The following ENOX2 variants were observed in gnomAD, a reference collection of about 807,000 sequenced individuals.
ENOX2 encodes the protein APK1 antigen.
In ENOX2, 36 loss-of-function variants were observed where a neutral mutation model predicts 45.0. The observed-to-expected ratio is 0.80, with a 90% confidence interval of 0.61 to 1.06. The LOEUF is 1.06. Among genes scored for constraint, ENOX2 ranks in the 50% least tolerant of loss-of-function variants. The pLI, the probability that ENOX2 is intolerant of heterozygous loss-of-function variation, is 0.00. For synonymous variants in ENOX2, 174 were observed against 152.3 expected (o/e 1.14, Z -1.05); for missense variants, 423 against 462.5 (o/e 0.91, Z 0.78).
chrX:130,849,506 CT>C (rs1261102958), intron 2 of ENOX2, among the ~76,000 whole-genome samples: 4 of 112,301 alleles, frequency 3.6e-5, no homozygotes, highest in African/African-American at 1.3e-4. Flanking sequence ...GTGACAGTCA[CT>C]TTGCTAAGTG....
chrX:130,828,493 T>A (rs1007671517), intron 2 of ENOX2, among the ~76,000 whole-genome samples: 2 of 112,267 alleles, frequency 1.8e-5, no homozygotes, highest in African/African-American at 6.5e-5. Flanking sequence ...CTAATTTATG[T>A]TTGTAATTAA....
chrX:130,661,369 G>C (rs1273289802), intron 9 of ENOX2, among the ~76,000 whole-genome samples: 1 of 109,297 alleles, frequency 9.1e-6, no homozygotes. Context: ...TTGTATTTTT[G>C]GTAGAGATGG....
At chrX:130,878,333 T>C (rs917375302) in intron 2 of ENOX2, among the ~76,000 whole-genome samples, 2 of 111,770 alleles carry the variant, frequency 1.8e-5, no homozygotes, top group African/African-American at 3.2e-5. Flanking sequence ...AACCATTTCT[T>C]CTCAGACCAT....
In ENOX2 at chrX:130,790,997, T is replaced by C. The variant is rs1028484847; in HGVS notation, c.-182-7307A>G. Among the ~76,000 whole-genome samples, 3 of 111,952 alleles carry C rather than the reference T, an allele frequency of 2.7e-5. No individual in the cohort carries two copies. In the South Asian group the frequency reaches 1.1e-3, roughly 42 times the overall value. On this transcript the variant is annotated intron_variant, in intron 2 of 14. Coordinates refer to ENST00000394363, the MANE Select transcript of ENOX2 (RefSeq NM_006375.4). Reference sequence around the variant, plus strand: ...CACACAAGGAATTCAGGCTTTTTGTTTTTCCTTTTTGTGGTGAGCAGGGTC... The same window carrying C: ...CACACAAGGAATTCAGGCTTTTTGTCTTTCCTTTTTGTGGTGAGCAGGGTC...
At chrX:130,650,101 T>C (rs897424216) in intron 10 of ENOX2, among the ~76,000 whole-genome samples, 5 of 112,548 alleles carry the variant, frequency 4.4e-5, no homozygotes, top group African/African-American at 1.6e-4. Flanking sequence ...TTCATTTTCC[T>C]CCTTTTATTT....
At chrX:130,625,489 T>C (rs2035518881) in intron 14 of ENOX2, 44 bp from the exon 15 acceptor site, 5 of 1,167,021 alleles carry the variant, frequency 4.3e-6, no homozygotes, top group Non-Finnish European at 5.8e-6. Flanking sequence ...CAGTTCTATT[T>C]TCCTAATCTT....
chrX:130,728,904 C>T (rs1388735510), intron 3 of ENOX2, among the ~76,000 whole-genome samples: 4 of 111,459 alleles, frequency 3.6e-5, no homozygotes, highest in Non-Finnish European at 7.5e-5. Flanking sequence ...CACGTGTGGC[C>T]TTTCACTTGC....
intron 1 of ENOX2, among the ~76,000 whole-genome samples, chrX:130,902,786 A>G (rs1262381845): frequency 2.0e-4 from 19 of 97,151 alleles, no homozygotes; most frequent in East Asian, 1.6e-3. Flanking sequence ...GCGTCGTGGG[A>G]AAAAAAAAAA....
intron 9 of ENOX2, among the ~76,000 whole-genome samples, chrX:130,657,559 T>C (rs1399966961): frequency 8.9e-6 from 1 of 112,209 alleles, no homozygotes; most frequent in Non-Finnish European, 1.9e-5. Context: ...CTCAAATGTC[T>C]GCATGAGACC....
At chrX:130,625,922 T>TCA (rs759800646) in intron 14 of ENOX2, among the ~76,000 whole-genome samples, 2,697 of 104,126 alleles carry the variant, frequency 0.026, 31 homozygotes, top group Middle Eastern at 0.03. Flanking sequence ...TCTCTCTCTT[T>TCA]CACACACACA....
intron 3 of ENOX2, among the ~76,000 whole-genome samples, chrX:130,782,389 C>A (rs764674996): frequency 9.0e-6 from 1 of 111,146 alleles, no homozygotes; most frequent in African/African-American, 3.3e-5. Context: ...TAACTCCAGG[C>A]CACAGAAAGA....
intron 2 of ENOX2, among the ~76,000 whole-genome samples, chrX:130,799,420 C>T (rs1012459858): frequency 8.9e-6 from 1 of 111,752 alleles, no homozygotes; most frequent in Non-Finnish European, 1.9e-5. Context: ...AGCTTGCAGA[C>T]GGCCCATTGT....
At chrX:130,831,420 C>T (rs1300234716) in intron 2 of ENOX2, among the ~76,000 whole-genome samples, 1 of 111,187 alleles carries the variant, frequency 9.0e-6, no homozygotes, top group Non-Finnish European at 1.9e-5. Context: ...AATAAAAATC[C>T]AAACTTGTTT....
rs142217656 is a variant in ENOX2 at position 130,772,621 on chromosome X, C to T, written c.-39+10926G>A. 9.2e-3 allele frequency among the ~76,000 whole-genome samples: 1,031 copies of T among 112,065 alleles called. 11 individuals are homozygous for T. Among genetic ancestry groups the T allele is most frequent in the African/African-American group, 0.031 (959 of 30,847 alleles). On this transcript the variant is annotated intron_variant, in intron 3 of 14. Transcript: ENST00000394363. ...AGCCTCTTGCCAGATAAAAAGGCCA[C>T]TCATGCTGGGAATGCCTCTCACATT...
At position 130,863,588 on chromosome X, in the gene ENOX2, GAAC is replaced by G. The variant is rs752236106; in HGVS notation, c.-183+38093_-183+38095del. On this transcript the variant is annotated intron_variant, in intron 2 of 14. Transcript: ENST00000394363. The stretch of plus-strand genomic sequence containing the variant: ...TACCTATAATTTTTGGATTTAGATA[GAAC>G]AACCTAGACCTCATGAAATTAATTT... Among the ~76,000 whole-genome samples, 11 of 112,109 alleles carry G rather than the reference GAAC, an allele frequency of 9.8e-5. No homozygotes were observed. In the South Asian group the frequency reaches 4.1e-3, roughly 42 times the overall value.
At chrX:130,807,106 A>G (rs905876398) in intron 2 of ENOX2, among the ~76,000 whole-genome samples, 2 of 112,427 alleles carry the variant, frequency 1.8e-5, no homozygotes, top group African/African-American at 6.5e-5. Context: ...AAAGTAGTTG[A>G]TAAGGTCATT....
intron 3 of ENOX2, among the ~76,000 whole-genome samples, chrX:130,760,896 CA>C (rs1332174958): frequency 1.3e-5 from 1 of 77,433 alleles, no homozygotes; most frequent in Non-Finnish European, 2.5e-5. Context: ...TTAAGTTTTT[CA>C]AATTCTTTTT....
chrX:130,772,285 A>G (rs1196309955), intron 3 of ENOX2, among the ~76,000 whole-genome samples: 1 of 112,243 alleles, frequency 8.9e-6, no homozygotes, highest in Non-Finnish European at 1.9e-5. Flanking sequence ...CAGAGACCTC[A>G]CACAAAATCA....
intron 2 of ENOX2, among the ~76,000 whole-genome samples, chrX:130,811,515 G>A (rs971163049): frequency 1.8e-5 from 2 of 112,598 alleles, no homozygotes; most frequent in Admixed American, 9.3e-5. Context: ...AAGCCTGCCT[G>A]TGGATCACAC....
Sources: allele counts gnomAD v4.1 joint callset (sites outside exome capture counted in the v4.1 genomes callset), GRCh38; gene constraint gnomAD v4.1.1; transcripts MANE v1.5; gene names NCBI Gene and HGNC (gene_info 2026-07-23, HGNC 2026-07-21).